Variants in TTC29 observed in about 807,000 individuals in gnomAD.
TTC29 encodes the protein tetratricopeptide repeat protein 29.
In TTC29, 49 loss-of-function variants were observed where a neutral mutation model predicts 58.1. That is an observed-to-expected ratio of 0.84 (90% confidence interval 0.67 to 1.07). The LOEUF is 1.07. Ranked by LOEUF, TTC29 falls within the 50% of genes least tolerant of loss-of-function variation. The probability of loss-of-function intolerance (pLI) is 0.00; values close to 1 mark genes in which losing one functional copy is unlikely to be tolerated. For missense variants in TTC29, 582 were observed against 555.6 expected, an observed-to-expected ratio of 1.05 and a Z score of -0.48; for synonymous variants, 209 against 196.8, an observed-to-expected ratio of 1.06 and a Z score of -0.52.
chr4:146,892,818 T>C (rs140649146), intron 6 of TTC29, among the ~76,000 whole-genome samples: 1 of 152,192 alleles, frequency 6.6e-6, no homozygotes, highest in South Asian at 2.1e-4. Context: ...CTTAGGCTGA[T>C]AGGCAACTTC....
intron 10 of TTC29, 100 bp from the exon 11 acceptor site, chr4:146,803,785 C>T (rs1379965853): frequency 6.1e-6 from 5 of 815,386 alleles, no homozygotes; most frequent in Non-Finnish European, 9.2e-6. Flanking sequence ...GACCTTTCGA[C>T]AGTTACAGCA....
intron 11 of TTC29, among the ~76,000 whole-genome samples, chr4:146,718,658 G>A (rs1012614404): frequency 6.6e-6 from 1 of 152,000 alleles, no homozygotes; most frequent in African/African-American, 2.4e-5. Flanking sequence ...CAATGCATAG[G>A]TTTTCTCTTC....
At chr4:146,904,645 A>G (rs1219489738) in intron 5 of TTC29, among the ~76,000 whole-genome samples, 1 of 152,190 alleles carries the variant, frequency 6.6e-6, no homozygotes, top group Non-Finnish European at 1.5e-5. Flanking sequence ...TCATAGTTGT[A>G]TTATAAAATG....
At chr4:146,806,094 A>G (rs1184015856) in intron 10 of TTC29, among the ~76,000 whole-genome samples, 2 of 152,214 alleles carry the variant, frequency 1.3e-5, no homozygotes, top group African/African-American at 2.4e-5. Flanking sequence ...ACTCTTAAGG[A>G]AAAGAATTTT....
chr4:146,796,906 T>G (rs1221362822), intron 11 of TTC29, among the ~76,000 whole-genome samples: 1 of 152,106 alleles, frequency 6.6e-6, no homozygotes, highest in Non-Finnish European at 1.5e-5. Context: ...AGAAGGCCCC[T>G]TTGTGCAGTA....
At chr4:146,719,220 G>C (rs1481719065) in intron 11 of TTC29, among the ~76,000 whole-genome samples, 1 of 151,498 alleles carries the variant, frequency 6.6e-6, no homozygotes, top group African/African-American at 2.4e-5. Flanking sequence ...GTGTGTGTGT[G>C]TGTGTGTCTG....
At chr4:146,876,443 A>T (rs1037598584) in intron 6 of TTC29, among the ~76,000 whole-genome samples, 1 of 152,222 alleles carries the variant, frequency 6.6e-6, no homozygotes, top group East Asian at 1.9e-4. Context: ...TATTAGACTC[A>T]ATATCTTTCC....
In TTC29 at chr4:146,874,784, A is replaced by G; in HGVS notation, c.731T>C (p.Met244Thr). The G allele has an allele frequency of 6.2e-7, 1 of 1,611,540 alleles. No homozygotes were observed. Among genetic ancestry groups the G allele is most frequent in the Non-Finnish European group, 8.5e-7 (1 of 1,179,064 alleles). The change falls in exon 7 of 13, where the codon ATG becomes ACG. Residue 244 changes from methionine (M) to threonine (T), a missense_variant. By Grantham distance (81) the Met-to-Thr change is moderately conservative. Transcript: ENST00000325106. ...LRTYRLLSDK[M>T]LENKEYKQAI... is the part of the protein sequence containing the mutation. ...CTGTTTGTATTCTTTATTTTCTAGC[A>G]TTTTGTCTGAGAGTAATCTGTAAGT...
intron 6 of TTC29, among the ~76,000 whole-genome samples, chr4:146,878,128 A>T (rs1020639209): frequency 6.6e-6 from 1 of 152,172 alleles, no homozygotes; most frequent in Non-Finnish European, 1.5e-5. Flanking sequence ...TGAAGTGAGG[A>T]TGGTCCTCAG....
At position 146,874,650 on chromosome 4, in the gene TTC29, C is replaced by T. The variant is rs1030176789; in HGVS notation, c.799+66G>A. ...CCCTAACACTTGACGATTTTTACTT[C>T]ACTCTTGGGAGAAACAGTGTCTACC... On this transcript the variant is annotated intron_variant, in intron 7 of 12. Transcript: ENST00000325106. The T allele has an allele frequency of 3.9e-5, 50 of 1,283,812 alleles. No homozygotes were observed. The African/African-American group carries it at 7.3e-4, about 19-fold the overall frequency. The allele number at this position is 1,283,812 out of a possible 1,614,324, so 79.5% of individuals were successfully genotyped here. A position where few individuals can be genotyped will look rare whatever the true frequency, so the allele number is the denominator to read the frequency against.
At chr4:146,932,783 G>A (rs936256023) in intron 4 of TTC29, among the ~76,000 whole-genome samples, 28 of 152,086 alleles carry the variant, frequency 1.8e-4, no homozygotes, top group African/African-American at 6.5e-4. Context: ...TAGGCCAGGC[G>A]CGGTGGTTCA....
chr4:146,838,415 T>C (rs1016976571), intron 8 of TTC29, among the ~76,000 whole-genome samples: 1 of 151,794 alleles, frequency 6.6e-6, no homozygotes, highest in Non-Finnish European at 1.5e-5. Flanking sequence ...AAAAATAGAA[T>C]ATCTATCTGT....
intron 11 of TTC29, among the ~76,000 whole-genome samples, chr4:146,745,699 A>C (rs1431198634): frequency 6.6e-6 from 1 of 152,170 alleles, no homozygotes; most frequent in Non-Finnish European, 1.5e-5. Flanking sequence ...TGCTCTTCTG[A>C]CCACCCCACA....
At chr4:146,846,201 A>T (rs1045481962) in intron 8 of TTC29, among the ~76,000 whole-genome samples, 2 of 152,228 alleles carry the variant, frequency 1.3e-5, no homozygotes, top group African/African-American at 4.8e-5. Flanking sequence ...TGGAGATATG[A>T]AGTATCAGCA....
chr4:146,813,412 C>A (rs990204810), intron 10 of TTC29, among the ~76,000 whole-genome samples: 1 of 152,092 alleles, frequency 6.6e-6, no homozygotes, highest in African/African-American at 2.4e-5. Flanking sequence ...GATGAGTGGT[C>A]CATTTTCTAT....
At chr4:146,915,321 A>G (rs1431131804) in intron 4 of TTC29, among the ~76,000 whole-genome samples, 2 of 152,094 alleles carry the variant, frequency 1.3e-5, no homozygotes, top group African/African-American at 4.8e-5. Flanking sequence ...TTATTTGACA[A>G]TTATGATGCA....
chr4:146,760,261 C>A (rs1746779543), intron 11 of TTC29, among the ~76,000 whole-genome samples: 1 of 151,912 alleles, frequency 6.6e-6, no homozygotes, highest in African/African-American at 2.4e-5. Flanking sequence ...AGGAAAACTA[C>A]AAAACACTGC....
rs188221294 is a variant in TTC29, at chr4:146,796,659, T to G, written c.1330+6798A>C. Among the ~76,000 whole-genome samples the G allele has an allele frequency of 1.3e-3, 199 of 152,316 alleles. 2 individuals are homozygous for G. The highest frequency in any genetic ancestry group is 4.6e-3 in the African/African-American group (193 of 41,586). On this transcript the variant is annotated intron_variant, in intron 11 of 12. Coordinates refer to ENST00000325106, the MANE Select transcript of TTC29 (RefSeq NM_031956.4). ...TTCTCTGTTTTAAAGCCATCTGGAA[T>G]TTTTCCTTCCTGTGTGATTATATCA...
intron 11 of TTC29, among the ~76,000 whole-genome samples, chr4:146,735,585 T>G (rs1744657794): frequency 6.6e-6 from 1 of 152,174 alleles, no homozygotes; most frequent in Non-Finnish European, 1.5e-5. Context: ...GGGGGACTGT[T>G]CAACTCCACC....
Sources: gnomAD v4.1 joint callset for allele counts (sites outside exome capture counted in the v4.1 genomes callset) on GRCh38, gnomAD v4.1.1 for gene constraint, MANE v1.5 for transcripts, NCBI Gene and HGNC (gene_info 2026-07-23, HGNC 2026-07-21) for gene names.